The following RAI1 variants were observed in gnomAD, a reference collection of about 807,000 sequenced individuals.
RAI1 encodes retinoic acid-induced protein 1.
Under a neutral mutation model 123.8 loss-of-function variants are expected in RAI1, and 9 were observed. The ratio of observed to expected loss-of-function variants is 0.07; its 90% CI spans 0.04 to 0.13. The LOEUF (loss-of-function observed/expected upper bound fraction) is 0.13, where lower values mean the gene tolerates loss of function less well. Ranked by LOEUF, RAI1 falls within the 10% of genes least tolerant of loss-of-function variation. The probability of loss-of-function intolerance (pLI) is 1.00; values close to 1 mark genes in which losing one functional copy is unlikely to be tolerated. For missense variants in RAI1, 2,256 were observed against 2,545.8 expected (o/e 0.89, Z 2.45); for synonymous variants, 1,231 against 1,127.3 (o/e 1.09, Z -1.84).
rs1178528935 is a variant in RAI1, at chr17:17,795,393, G to C, written c.2445G>C (p.Val815=). Reference sequence around the variant, plus strand: ...CCGGGGACTTCAAGCAGGAGGAGGTGGGTGGGGTGAAGGAGGAGGCAGGTG... The same window carrying C: ...CCGGGGACTTCAAGCAGGAGGAGGTCGGTGGGGTGAAGGAGGAGGCAGGTG... The part of the protein sequence containing the change: ...SLPGDFKQEE[V]GGVKEEAGGL... The change falls in exon 3 of 6, where the codon GTG becomes GTC. Residue 815 remains valine (V), a synonymous_variant. Transcript: ENST00000353383. The surrounding 1 kb of genome is among the most constrained non-coding windows in gnomAD (Gnocchi z 5.9). 2 of 1,592,978 alleles carry C rather than the reference G, an allele frequency of 1.3e-6. No homozygotes were observed. The highest frequency in any genetic ancestry group is 1.7e-6 in the Non-Finnish European group (2 of 1,167,526).
At chr17:17,805,976 C>T (rs1009769625) in intron 4 of RAI1, among the ~76,000 whole-genome samples, 1 of 152,368 alleles carries the variant, frequency 6.6e-6, no homozygotes, top group East Asian at 1.9e-4. Context: ...ATGGCGTGGA[C>T]AGTCCCAGGA....
At chr17:17,805,532 G>C (rs12453837) in intron 4 of RAI1, among the ~76,000 whole-genome samples, 79,986 of 152,004 alleles carry the variant, frequency 0.53, 22,363 homozygotes, top group Non-Finnish European at 0.64. Flanking sequence ...ACTGCCTCCC[G>C]TCCTCACCTG....
At chr17:17,744,402 ACAGAAATAGCAGG>A (rs1916743437) in intron 2 of RAI1, among the ~76,000 whole-genome samples, 1 of 152,344 alleles carries the variant, frequency 6.6e-6, no homozygotes, top group Admixed American at 6.5e-5. Flanking sequence ...GAACTGGTTC[ACAGAAATAGCAGG>A]CAGTTTGTCA....
chr17:17,795,882 G>A lies in RAI1; in HGVS notation c.2934G>A (p.Lys978=), dbSNP rs1286861200. The change falls in exon 3 of 6, where the codon AAG becomes AAA. Residue 978 remains lysine (K), a synonymous_variant. Coordinates refer to ENST00000353383, the MANE Select transcript of RAI1 (RefSeq NM_030665.4). This position sits in a 1 kb window ranked among gnomAD's most constrained non-coding sequence, Gnocchi z 5.9. The part of the protein sequence containing the change: ...SDASLAQKPN[K]PAVPEAPIAK... ...CCTCTCTGGCCCAGAAGCCCAACAA[G>A]CCTGCTGTGCCCGAGGCGCCCATCG... 1.2e-6 allele frequency: 2 copies of A among 1,612,376 alleles called. No individual in the cohort carries two copies. Among genetic ancestry groups the A allele is most frequent in the South Asian group, 2.2e-5 (2 of 91,086 alleles).
At chr17:17,743,904 GC>G (rs1451038969) in intron 2 of RAI1, among the ~76,000 whole-genome samples, 1 of 152,252 alleles carries the variant, frequency 6.6e-6, no homozygotes, top group Non-Finnish European at 1.5e-5. Context: ...CCCTGGCTGG[GC>G]CGTAGGAGAG....
At chr17:17,709,122 G>A (rs1259981883) in intron 1 of RAI1, among the ~76,000 whole-genome samples, 1 of 152,114 alleles carries the variant, frequency 6.6e-6, no homozygotes, top group African/African-American at 2.4e-5. Context: ...AGCCACCCGG[G>A]GACCATCATT....
intron 2 of RAI1, among the ~76,000 whole-genome samples, chr17:17,782,465 C>T (rs1018620022): frequency 1.3e-5 from 2 of 151,764 alleles, no homozygotes; most frequent in African/African-American, 4.8e-5. Context: ...CGGGGCCGCG[C>T]GCCCGGGCCC....
chr17:17,741,395 CCAT>C (rs1181284617), intron 2 of RAI1, among the ~76,000 whole-genome samples: 1 of 152,228 alleles, frequency 6.6e-6, no homozygotes, highest in Non-Finnish European at 1.5e-5. Flanking sequence ...CCGGGCCCCT[CCAT>C]CACCCCATTA....
At chr17:17,742,106 C>T (rs992898273) in intron 2 of RAI1, among the ~76,000 whole-genome samples, 8 of 152,222 alleles carry the variant, frequency 5.3e-5, no homozygotes, top group East Asian at 1.9e-4. Context: ...GGGTGCCTGC[C>T]GGCTCTGGGG....
chr17:17,779,867 C>T (rs12946060), intron 2 of RAI1, among the ~76,000 whole-genome samples: 7 of 150,240 alleles, frequency 4.7e-5, no homozygotes, highest in Admixed American at 1.3e-4. Context: ...CTCCGCCCCC[C>T]GGGGTTCACG....
Position 17,794,002 on chromosome 17 carries a change from C to T in RAI1, c.1054C>T (p.Arg352Cys), listed in dbSNP as rs907728820. 20 of 1,613,844 alleles carry T rather than the reference C, an allele frequency of 1.2e-5. No individual in the cohort carries two copies. The highest frequency in any genetic ancestry group is 1.7e-5 in the Admixed American group (1 of 60,002). ...SSHSPARSVG[R>C]SPSYSSTPSP... Reference sequence around the variant, plus strand: ...CCACTCACCCGCCCGCTCCGTGGGCCGCTCACCTTCCTACAGTTCCACACC... The same window carrying T: ...CCACTCACCCGCCCGCTCCGTGGGCTGCTCACCTTCCTACAGTTCCACACC... Residue 352 changes from arginine to cysteine, a missense_variant, in exon 3 of 6, where the codon CGC (arginine) becomes TGC (cysteine). Coordinates refer to ENST00000353383, the MANE Select transcript of RAI1 (RefSeq NM_030665.4).
chr17:17,686,046 G>A (rs918472846), intron 1 of RAI1, among the ~76,000 whole-genome samples: 1 of 152,162 alleles, frequency 6.6e-6, no homozygotes, highest in African/African-American at 2.4e-5. Flanking sequence ...CGGAATTATC[G>A]GCAATTCTGC....
At position 17,714,706 on chromosome 17, in the gene RAI1, A is replaced by T. The variant is rs1399382648; in HGVS notation, c.-148-9322A>T. On this transcript the variant is annotated intron_variant, in intron 1 of 5. Transcript: ENST00000353383. This position sits in a 1 kb window ranked among gnomAD's most constrained non-coding sequence, Gnocchi z 4.9. ...TGTGGGTCGAATAAGGAAGCTGAGC[A>T]GCAGGCAGCCTCTCCCCTGCAGAAG... 1.3e-5 allele frequency among the ~76,000 whole-genome samples: 2 copies of T among 152,178 alleles called. No individual in the cohort carries two copies. Among genetic ancestry groups the T allele is most frequent in the African/African-American group, 4.8e-5 (2 of 41,440 alleles).
chr17:17,745,995 G>A (rs2029898156), intron 2 of RAI1, among the ~76,000 whole-genome samples: 1 of 152,214 alleles, frequency 6.6e-6, no homozygotes, highest in Admixed American at 6.5e-5. Context: ...TCCCACATGA[G>A]CGTTGTGGAG....
chr17:17,699,283 C>A (rs1915137145), intron 1 of RAI1, among the ~76,000 whole-genome samples: 1 of 152,196 alleles, frequency 6.6e-6, no homozygotes. Flanking sequence ...CTTTGGAATG[C>A]TGGAGGCACT....
In RAI1 at chr17:17,775,510, G is replaced by A. The variant is rs117297993; in HGVS notation, c.-16-17423G>A. 5.4e-3 allele frequency among the ~76,000 whole-genome samples: 719 copies of A among 133,460 alleles called. 22 individuals are homozygous for A. Among genetic ancestry groups the A allele is most frequent in the Admixed American group, 0.046 (624 of 13,700 alleles). The allele number at this position is 133,460 out of a possible 152,430, so 87.6% of individuals were successfully genotyped here. A position where few individuals can be genotyped will look rare whatever the true frequency, so the allele number is the denominator to read the frequency against. ...TGAGCCACCATGCCTGGCCTCATGT[G>A]TAACTTTCGACTCCCCAGTCAATTA... On this transcript the variant is annotated intron_variant, in intron 2 of 5. Coordinates refer to ENST00000353383, the MANE Select transcript of RAI1 (RefSeq NM_030665.4).
At position 17,800,062 on chromosome 17, in the gene RAI1, C is replaced by G. The variant is rs1016264944; in HGVS notation, c.5565+1549C>G. ...AGGAAGGCTGGCCCCGACAGGACTC[C>G]TGCAGGTTCCTGGTGCCGCGGGCCT... On this transcript the variant is annotated intron_variant, in intron 3 of 5. Coordinates refer to ENST00000353383, the MANE Select transcript of RAI1 (RefSeq NM_030665.4). The surrounding 1 kb of genome is among the most constrained non-coding windows in gnomAD (Gnocchi z 4.7). 6.6e-6 allele frequency among the ~76,000 whole-genome samples: 1 copy of G among 152,196 alleles called. No individual in the cohort carries two copies. The highest frequency in any genetic ancestry group is 1.5e-5 in the Non-Finnish European group (1 of 68,024).
intron 1 of RAI1, among the ~76,000 whole-genome samples, chr17:17,695,469 G>A (rs956924359): frequency 6.6e-6 from 1 of 151,766 alleles, no homozygotes; most frequent in East Asian, 1.9e-4. Flanking sequence ...CGGCCTTCTC[G>A]TGCCCTAAGT....
intron 2 of RAI1, among the ~76,000 whole-genome samples, chr17:17,775,878 GA>G (rs1195769937): frequency 1.3e-5 from 2 of 152,204 alleles, no homozygotes; most frequent in Non-Finnish European, 2.9e-5. Flanking sequence ...TTGATTCTGA[GA>G]AAAACATCCA....
Sources: gnomAD v4.1 joint callset for allele counts (sites outside exome capture counted in the v4.1 genomes callset) on GRCh38, gnomAD v4.1.1 for gene constraint, Gnocchi (gnomAD v3.1) non-coding constraint, MANE v1.5 for transcripts, NCBI Gene and HGNC (gene_info 2026-07-23, HGNC 2026-07-21) for gene names.